ELAVL4: variants seen among roughly 807,000 people sequenced by gnomAD.
ELAVL4 encodes the protein ELAV-like protein 4.
A neutral mutation model predicts 35.6 loss-of-function variants in ELAVL4; 1 was observed. The ratio of observed to expected loss-of-function variants is 0.03; its 90% CI spans 0.01 to 0.13. The LOEUF (loss-of-function observed/expected upper bound fraction) is 0.13, where lower values mean the gene tolerates loss of function less well. Among genes scored for constraint, ELAVL4 ranks in the 10% least tolerant of loss-of-function variants. The probability of loss-of-function intolerance (pLI) is 1.00; values close to 1 mark genes in which losing one functional copy is unlikely to be tolerated. For synonymous variants in ELAVL4, 156 were observed against 171.0 expected (o/e 0.91, Z 0.69); for missense variants, 267 against 464.9 (o/e 0.57, Z 3.91).
At chr1:50,152,085 G>A (rs933409011) in intron 2 of ELAVL4, among the ~76,000 whole-genome samples, 5 of 152,116 alleles carry the variant, frequency 3.3e-5, no homozygotes, top group African/African-American at 1.2e-4. Flanking sequence ...GAGGTTTAGG[G>A]TTTGTGCAGG....
intron 1 of ELAVL4, among the ~76,000 whole-genome samples, chr1:50,126,763 G>T (rs1271243578): frequency 6.6e-6 from 1 of 152,098 alleles, no homozygotes; most frequent in South Asian, 2.1e-4. Flanking sequence ...GTTTTCATTA[G>T]CAATGTGTAG....
chr1:50,050,643 T>G (rs935694106), intron 1 of ELAVL4, among the ~76,000 whole-genome samples: 1 of 152,142 alleles, frequency 6.6e-6, no homozygotes. Context: ...GGAGTGATGG[T>G]CCATGGAAAA....
At chr1:50,119,078 AAGAAAGAAAG>A (rs1420511670) in intron 1 of ELAVL4, among the ~76,000 whole-genome samples, 2 of 137,000 alleles carry the variant, frequency 1.5e-5, no homozygotes, top group Non-Finnish European at 3.2e-5. Flanking sequence ...GAAAGAAAGA[AAGAAAGAAAG>A]AAAGAAAAAG....
At chr1:50,076,206 T>C (rs957238747) in intron 1 of ELAVL4, among the ~76,000 whole-genome samples, 1 of 152,152 alleles carries the variant, frequency 6.6e-6, no homozygotes, top group African/African-American at 2.4e-5. Flanking sequence ...ATGGGGAGAT[T>C]GTAGAGGATT....
intron 1 of ELAVL4, among the ~76,000 whole-genome samples, chr1:50,081,235 T>A (rs1664992463): frequency 6.6e-6 from 1 of 152,198 alleles, no homozygotes. Flanking sequence ...TACATATTTT[T>A]AAAATTTGAA....
At chr1:50,090,384 A>G (rs1032183730) in intron 1 of ELAVL4, among the ~76,000 whole-genome samples, 6 of 152,206 alleles carry the variant, frequency 3.9e-5, no homozygotes, top group Non-Finnish European at 5.9e-5. Context: ...AATATTCTAT[A>G]CAATGTGTGC....
At chr1:50,097,539 A>G (rs1379101571) in intron 1 of ELAVL4, among the ~76,000 whole-genome samples, 1 of 152,192 alleles carries the variant, frequency 6.6e-6, no homozygotes, top group Non-Finnish European at 1.5e-5. Context: ...GCCTGAGGTC[A>G]TAGAATTACT....
At chr1:50,146,514 C>A (rs2148696811) in intron 2 of ELAVL4, among the ~76,000 whole-genome samples, 1 of 152,144 alleles carries the variant, frequency 6.6e-6, no homozygotes, top group East Asian at 1.9e-4. Flanking sequence ...GTAAATAAAT[C>A]TATTATTGTA....
chr1:50,180,475 A>T (rs1470414046), intron 3 of ELAVL4: 1 of 152,128 alleles, frequency 6.6e-6, no homozygotes, highest in East Asian at 1.9e-4. Context: ...ACAAATATCC[A>T]TTTCCCTTTT....
intron 1 of ELAVL4, among the ~76,000 whole-genome samples, chr1:50,065,193 G>T (rs1234935987): frequency 1.3e-5 from 2 of 152,114 alleles, no homozygotes; most frequent in East Asian, 3.8e-4. Flanking sequence ...AATGCTTATT[G>T]TAAGGATCAA....
intron 1 of ELAVL4, among the ~76,000 whole-genome samples, chr1:50,050,094 G>A (rs1390861586): frequency 6.6e-6 from 1 of 152,182 alleles, no homozygotes; most frequent in Admixed American, 6.5e-5. Context: ...CAGTAGTTAT[G>A]TGACTTGCAT....
At chr1:50,133,843 A>G (rs960665894) in intron 1 of ELAVL4, among the ~76,000 whole-genome samples, 2 of 152,136 alleles carry the variant, frequency 1.3e-5, no homozygotes, top group Non-Finnish European at 2.9e-5. Flanking sequence ...CCAGTTATAT[A>G]TGCATTGAGG....
intron 1 of ELAVL4, among the ~76,000 whole-genome samples, chr1:50,119,711 G>T (rs1319330845): frequency 6.6e-6 from 1 of 151,896 alleles, no homozygotes; most frequent in Non-Finnish European, 1.5e-5. Context: ...CATTTCCCAA[G>T]AACAGAAGAA....
intron 1 of ELAVL4, among the ~76,000 whole-genome samples, chr1:50,142,409 G>A (rs552140488): frequency 6.6e-6 from 1 of 152,110 alleles, no homozygotes; most frequent in African/African-American, 2.4e-5. Flanking sequence ...CTCCATGTTG[G>A]TCAGGCTGGT....
intron 2 of ELAVL4, among the ~76,000 whole-genome samples, chr1:50,175,066 A>G (rs371331005): frequency 7.0e-4 from 107 of 152,290 alleles, no homozygotes; most frequent in African/African-American, 2.1e-3. Flanking sequence ...TATCATTGAG[A>G]TAATTGTTTT....
intron 4 of ELAVL4, 124 bp from the exon 5 acceptor site, chr1:50,195,437 G>A: frequency 9.9e-7 from 1 of 1,012,660 alleles, no homozygotes; most frequent in Non-Finnish European, 1.5e-6. Flanking sequence ...AGGGAGCTGG[G>A]CTCAGCCCTG....
chr1:50,077,871 G>A (rs1332744239), intron 1 of ELAVL4, among the ~76,000 whole-genome samples: 1 of 152,128 alleles, frequency 6.6e-6, no homozygotes. Context: ...TTACCCGTTA[G>A]AGAGTCCATG....
chr1:50,117,469 G>T (rs535407192), intron 1 of ELAVL4, among the ~76,000 whole-genome samples: 1 of 152,126 alleles, frequency 6.6e-6, no homozygotes, highest in Admixed American at 6.5e-5. Context: ...ACTGGCAAGT[G>T]CAAAGGACTT....
intron 1 of ELAVL4, among the ~76,000 whole-genome samples, chr1:50,082,129 A>T (rs1416542085): frequency 6.6e-6 from 1 of 152,146 alleles, no homozygotes; most frequent in African/African-American, 2.4e-5. Context: ...GAACAGTGCC[A>T]CAATAAACAT....
Sources: gnomAD v4.1 joint callset for allele counts (sites outside exome capture counted in the v4.1 genomes callset) on GRCh38, gnomAD v4.1.1 for gene constraint, MANE v1.5 for transcripts, NCBI Gene and HGNC (gene_info 2026-07-23, HGNC 2026-07-21) for gene names.